KCND2: variants seen among roughly 807,000 people sequenced by gnomAD.
KCND2 encodes the protein potassium voltage-gated channel subfamily D member 2.
Under a neutral mutation model 54.4 loss-of-function variants are expected in KCND2, and 16 were observed. The observed-to-expected ratio is 0.29, with a 90% CI of 0.20 to 0.45. The LOEUF (loss-of-function observed/expected upper bound fraction) is 0.45. KCND2 is among the 20% of genes least tolerant of loss of function. The pLI, the probability that KCND2 is intolerant of heterozygous loss-of-function variation, is 1.00. For synonymous variants in KCND2, 317 were observed against 310.7 expected, an observed-to-expected ratio of 1.02 and a Z score of -0.21; for missense variants, 486 against 824.2, an observed-to-expected ratio of 0.59 and a Z score of 5.02.
At chr7:120,508,146 G>T (rs1024979664) in intron 1 of KCND2, among the ~76,000 whole-genome samples, 11 of 151,826 alleles carry the variant, frequency 7.2e-5, no homozygotes, top group African/African-American at 2.4e-4. Context: ...TCAGCAGAAA[G>T]AATTGGACGT....
chr7:120,739,177 A>C (rs989049885), intron 2 of KCND2, among the ~76,000 whole-genome samples: 18 of 152,056 alleles, frequency 1.2e-4, no homozygotes, highest in African/African-American at 4.1e-4. Flanking sequence ...ATGTTTTCTT[A>C]ATAAAAGAAA....
At chr7:120,512,031 A>G (rs189468742) in intron 1 of KCND2, among the ~76,000 whole-genome samples, 1 of 152,214 alleles carries the variant, frequency 6.6e-6, no homozygotes, top group East Asian at 1.9e-4. Context: ...TGAATTACCA[A>G]CTAGCATTAT....
intron 1 of KCND2, among the ~76,000 whole-genome samples, chr7:120,440,625 T>C (rs1205328685): frequency 6.6e-6 from 1 of 152,070 alleles, no homozygotes; most frequent in African/African-American, 2.4e-5. Context: ...GTTTAGGACC[T>C]TACTTTTAAG....
chr7:120,413,750 G>A (rs1174923075), intron 1 of KCND2, among the ~76,000 whole-genome samples: 2 of 151,948 alleles, frequency 1.3e-5, no homozygotes, highest in Non-Finnish European at 1.5e-5. Flanking sequence ...CTGCTTGTTA[G>A]TAGACACTTC....
intron 1 of KCND2, among the ~76,000 whole-genome samples, chr7:120,319,353 A>G (rs2116327432): frequency 6.6e-6 from 1 of 152,250 alleles, no homozygotes; most frequent in African/African-American, 2.4e-5. Context: ...TCAAACAAAT[A>G]TCAAGTAAAA....
At chr7:120,304,127 G>A (rs997849647) in intron 1 of KCND2, among the ~76,000 whole-genome samples, 1 of 152,110 alleles carries the variant, frequency 6.6e-6, no homozygotes, top group Non-Finnish European at 1.5e-5. Context: ...GGGCCAATCT[G>A]TCACTACCAC....
At chr7:120,723,793 A>G (rs1272808823) in intron 1 of KCND2, among the ~76,000 whole-genome samples, 2 of 152,190 alleles carry the variant, frequency 1.3e-5, no homozygotes, top group African/African-American at 2.4e-5. Flanking sequence ...TTTGTTAAGT[A>G]TGTGACCATG....
chr7:120,575,664 C>T (rs1005768153), intron 1 of KCND2, among the ~76,000 whole-genome samples: 2 of 152,146 alleles, frequency 1.3e-5, no homozygotes, highest in Admixed American at 6.5e-5. Flanking sequence ...ATTTGTACAC[C>T]TGGCTATATG....
At chr7:120,471,544 G>A (rs1007097308) in intron 1 of KCND2, among the ~76,000 whole-genome samples, 1 of 152,000 alleles carries the variant, frequency 6.6e-6, no homozygotes, top group African/African-American at 2.4e-5. Flanking sequence ...GACTTGGGTA[G>A]CATTCTAATA....
Position 120,311,390 on chromosome 7 carries a change from G to A in KCND2, c.1115+35643G>A, listed in dbSNP as rs1001337476. Among the ~76,000 whole-genome samples, 7 of 152,178 alleles carry A rather than the reference G, an allele frequency of 4.6e-5. No homozygotes were observed. In the East Asian group the frequency reaches 1.2e-3, roughly 25 times the overall value. On this transcript the variant is annotated intron_variant, in intron 1 of 5. Transcript: ENST00000331113. ...ATTTGCCAACACTTTTCATTACAAT[G>A]ATAGTAAGAATTTTAATTATAGAGG... is the stretch of plus-strand genomic sequence containing the variant.
chr7:120,554,282 G>T (rs1375665480), intron 1 of KCND2, among the ~76,000 whole-genome samples: 1 of 152,148 alleles, frequency 6.6e-6, no homozygotes, highest in Non-Finnish European at 1.5e-5. Context: ...TCAAGTATAG[G>T]TTAGAGCAGC....
At chr7:120,700,904 A>G (rs1243188079) in intron 1 of KCND2, among the ~76,000 whole-genome samples, 1 of 152,174 alleles carries the variant, frequency 6.6e-6, no homozygotes, top group Non-Finnish European at 1.5e-5. Flanking sequence ...ATAGAAGTAT[A>G]TTTGACTCTT....
chr7:120,472,642 T>A (rs866344672), intron 1 of KCND2, among the ~76,000 whole-genome samples: 3 of 152,280 alleles, frequency 2.0e-5, no homozygotes, highest in Middle Eastern at 3.4e-3. Context: ...TTTTGTTTTT[T>A]TAACTTTATG....
chr7:120,366,797 T>G (rs1800690591), intron 1 of KCND2, among the ~76,000 whole-genome samples: 1 of 152,146 alleles, frequency 6.6e-6, no homozygotes, highest in African/African-American at 2.4e-5. Context: ...AAATTATTTC[T>G]AAAATCCGAA....
chr7:120,364,183 A>G (rs1208641156), intron 1 of KCND2, among the ~76,000 whole-genome samples: 10 of 152,162 alleles, frequency 6.6e-5, no homozygotes, highest in Non-Finnish European at 2.9e-5. Context: ...TCTCATCTTC[A>G]TGTATCTGGT....
chr7:120,717,491 T>C (rs1398892507), intron 1 of KCND2, among the ~76,000 whole-genome samples: 1 of 152,110 alleles, frequency 6.6e-6, no homozygotes. Context: ...GCTGGAACTA[T>C]GGAAAGCAAA....
At chr7:120,376,722 G>C (rs1250171492) in intron 1 of KCND2, among the ~76,000 whole-genome samples, 1 of 151,688 alleles carries the variant, frequency 6.6e-6, no homozygotes, top group African/African-American at 2.4e-5. Context: ...TACTTTTCAA[G>C]AATCATGAAA....
chr7:120,307,669 A>G (rs1330154647), intron 1 of KCND2, among the ~76,000 whole-genome samples: 1 of 152,102 alleles, frequency 6.6e-6, no homozygotes, highest in Non-Finnish European at 1.5e-5. Flanking sequence ...TGCATTACTC[A>G]TGTTGCATAT....
At chr7:120,489,862 A>C (rs1162502150) in intron 1 of KCND2, among the ~76,000 whole-genome samples, 2 of 152,152 alleles carry the variant, frequency 1.3e-5, no homozygotes, top group African/African-American at 4.8e-5. Flanking sequence ...GCCCGCCATG[A>C]TAATTCTAGC....
Sources: gnomAD v4.1 joint callset for allele counts (sites outside exome capture counted in the v4.1 genomes callset) on GRCh38, gnomAD v4.1.1 for gene constraint, MANE v1.5 for transcripts, NCBI Gene and HGNC (gene_info 2026-07-23, HGNC 2026-07-21) for gene names.